Variants in MLXIP observed in about 807,000 individuals in gnomAD.
MLXIP encodes MLX-interacting protein.
A neutral mutation model predicts 87.2 loss-of-function variants in MLXIP; 30 were observed. That is an observed-to-expected ratio of 0.34 (90% CI 0.26 to 0.47). The LOEUF (loss-of-function observed/expected upper bound fraction) is 0.47, where lower values mean the gene tolerates loss of function less well. Among genes scored for constraint, MLXIP ranks in the 20% least tolerant of loss-of-function variants. MLXIP has a pLI of 1.00. For missense variants in MLXIP, 1,002 were observed against 1,240.1 expected (o/e 0.81, Z 2.88); for synonymous variants, 530 against 514.0 (o/e 1.03, Z -0.42).
At chr12:122,114,755 T>G (rs1413159002) in intron 1 of MLXIP, among the ~76,000 whole-genome samples, 9 of 93,298 alleles carry the variant, frequency 9.6e-5, no homozygotes, top group East Asian at 3.0e-4. Context: ...TTTTTTTTTT[T>G]GGTGGGGGGG....
intron 1 of MLXIP, among the ~76,000 whole-genome samples, chr12:122,091,338 C>T (rs558750136): frequency 1.3e-5 from 2 of 152,108 alleles, no homozygotes; most frequent in South Asian, 2.1e-4. Flanking sequence ...CTGAAGATGA[C>T]GTGGGAATTG....
Position 122,138,282 on chromosome 12 carries a change from A to G in MLXIP, c.2243A>G (p.Asn748Ser), listed in dbSNP as rs747641044. ...GACATGCTCAACAGCCTCATCTCCA[A>G]CAATTCCAAGCTGGTGAGTTGCCAA... Reference protein sequence around the residue: ...CFDMLNSLISNNSKLTSHAIT... With the variant: ...CFDMLNSLISSNSKLTSHAIT... Residue 748 changes from asparagine (N) to serine (S), a missense_variant, in exon 13 of 17, where the codon AAC becomes AGC. This residue lies in a region of MLXIP where 746 missense variants were observed against 897.0 expected (regional missense o/e 0.83). Transcript: ENST00000319080. The G allele has an allele frequency of 8.1e-6, 13 of 1,613,698 alleles. No homozygotes were observed. Among genetic ancestry groups the G allele is most frequent in the African/African-American group, 2.7e-5 (2 of 74,924 alleles).
chr12:122,103,199 GTATTTATT>G (rs754355713), intron 1 of MLXIP, among the ~76,000 whole-genome samples: 38,713 of 92,472 alleles, frequency 0.42, 5,646 homozygotes, highest in Non-Finnish European at 0.53. Context: ...ATGTATGTAT[GTATTTATT>G]TATTTATTTA....
intron 1 of MLXIP, among the ~76,000 whole-genome samples, chr12:122,113,833 C>T (rs781183153): frequency 7.3e-5 from 11 of 150,796 alleles, no homozygotes; most frequent in African/African-American, 2.2e-4. Context: ...TACAGGCACC[C>T]GCCAGCATGC....
At chr12:122,090,599 T>C (rs1952232639) in intron 1 of MLXIP, among the ~76,000 whole-genome samples, 1 of 152,184 alleles carries the variant, frequency 6.6e-6, no homozygotes, top group Non-Finnish European at 1.5e-5. Context: ...GGTGGGTACT[T>C]GAGTATTCAT....
chr12:122,131,815 A>T (rs998158295), intron 7 of MLXIP, among the ~76,000 whole-genome samples: 1 of 147,170 alleles, frequency 6.8e-6, no homozygotes, highest in Non-Finnish European at 1.5e-5. Flanking sequence ...TGCACCCTCA[A>T]CCTCCCTCCT....
In MLXIP at chr12:122,140,950, G is replaced by T; in HGVS notation, c.2509-4G>T. On this transcript the variant is annotated splice_polypyrimidine_tract_variant and splice_region_variant and intron_variant, in intron 15 of 16. Coordinates refer to ENST00000319080, the MANE Select transcript of MLXIP (RefSeq NM_014938.6). ...CTTGCCTTTTCTTTAACCACACACT[G>T]CAGTTCAGCATCATCATCAAGCCGC... The T allele has an allele frequency of 6.2e-7, 1 of 1,613,982 alleles. No homozygotes were observed. Among genetic ancestry groups the T allele is most frequent in the Non-Finnish European group, 8.5e-7 (1 of 1,179,890 alleles).
Position 122,135,502 on chromosome 12 carries a change from C to G in MLXIP, c.1868C>G (p.Pro623Arg). ...ATGTCACTGCAGGCTCCTGGGGTCC[C>G]GGAGTTCCACAGCAGCATCCTGGTG... ...PAAIARAPGVPEFHSSILVTD... is the reference protein window; with the variant it reads ...PAAIARAPGVREFHSSILVTD... Residue 623 changes from proline (P) to arginine (R), a missense_variant, in exon 11 of 17, where the codon CCG (proline) becomes CGG (arginine). Transcript: ENST00000319080. The surrounding 1 kb of genome is among the most constrained non-coding windows in gnomAD (Gnocchi z 5.3). 6.2e-7 allele frequency: 1 copy of G among 1,609,276 alleles called. No individual in the cohort carries two copies.
At chr12:122,096,758 C>T (rs1952358544) in intron 1 of MLXIP, among the ~76,000 whole-genome samples, 1 of 152,196 alleles carries the variant, frequency 6.6e-6, no homozygotes, top group African/African-American at 2.4e-5. Context: ...CTGACAGACC[C>T]CCGAGGCTGT....
chr12:122,078,940 C>T lies in MLXIP; in HGVS notation c.87C>T (p.Asp29=), dbSNP rs1454699805. 2.7e-6 allele frequency: 3 copies of T among 1,120,876 alleles called. No individual in the cohort carries two copies. The highest frequency in any genetic ancestry group is 1.1e-6 in the Non-Finnish European group (1 of 911,200). 69.4% of individuals were successfully genotyped at this position (1,120,876 alleles called of 1,614,324 possible). A position where few individuals can be genotyped will look rare whatever the true frequency, so the allele number is the denominator to read the frequency against. Reference sequence around the variant, plus strand: ...TGCTCAAGCCCCAGGTGTCCGAGGACGACGACGACTCGGACACGGATGAGC... The same window carrying T: ...TGCTCAAGCCCCAGGTGTCCGAGGATGACGACGACTCGGACACGGATGAGC... ...QVLLKPQVSE[D]DDDSDTDEPS... is the part of the protein sequence containing the mutation. Residue 29 remains aspartate, a synonymous_variant, in exon 1 of 17, where the codon GAC becomes GAT. Coordinates refer to ENST00000319080, the MANE Select transcript of MLXIP (RefSeq NM_014938.6).
Position 122,118,949 on chromosome 12 carries a change from G to A in MLXIP, c.414-8307G>A, listed in dbSNP as rs190312596. 5.0e-3 allele frequency among the ~76,000 whole-genome samples: 758 copies of A among 152,044 alleles called. 19 individuals carry two copies. The highest frequency in any genetic ancestry group is 0.045 in the Admixed American group (680 of 15,258). On this transcript the variant is annotated intron_variant, in intron 1 of 16. Transcript: ENST00000319080. ...TGGGAGGTCGAAGCGGGCAGATCACGAGGTCAGGAGATCAAGACCATCCTG... is the reference window on the plus strand; with the variant it reads ...TGGGAGGTCGAAGCGGGCAGATCACAAGGTCAGGAGATCAAGACCATCCTG...
chr12:122,116,328 T>C (rs974150034), intron 1 of MLXIP, among the ~76,000 whole-genome samples: 1 of 152,146 alleles, frequency 6.6e-6, no homozygotes. Flanking sequence ...TTAGGGTACA[T>C]GTGCACAACG....
Position 122,133,227 on chromosome 12 carries a change from C to G in MLXIP, c.1093-121C>G, listed in dbSNP as rs1292140745. On this transcript the variant is annotated intron_variant, in intron 8 of 16. Transcript: ENST00000319080. This position sits in a 1 kb window ranked among gnomAD's most constrained non-coding sequence, Gnocchi z 4.9. ...AGATCAGCAGCCATGGACGTGGAGA[C>G]GTGGCCTTTGTCCCTCTGTCCCAGC... 2 of 1,115,210 alleles carry G rather than the reference C, an allele frequency of 1.8e-6. No homozygotes were observed. The highest frequency in any genetic ancestry group is 2.5e-5 in the Admixed American group (1 of 39,682). The allele number at this position is 1,115,210 out of a possible 1,614,324, so 69.1% of individuals were successfully genotyped here.
chr12:122,099,835 C>G (rs996428302), intron 1 of MLXIP, among the ~76,000 whole-genome samples: 2 of 152,104 alleles, frequency 1.3e-5, no homozygotes, highest in Non-Finnish European at 2.9e-5. Flanking sequence ...AGGAGAACTC[C>G]CTTGGTGGGT....
chr12:122,085,746 G>T (rs1952159363), intron 1 of MLXIP, among the ~76,000 whole-genome samples: 1 of 152,174 alleles, frequency 6.6e-6, no homozygotes, highest in Admixed American at 6.6e-5. Flanking sequence ...CATTGGCGTG[G>T]AGTGGGACAA....
At chr12:122,097,946 T>C (rs140025566) in intron 1 of MLXIP, among the ~76,000 whole-genome samples, 76,900 of 152,124 alleles carry the variant, frequency 0.51, 19,962 homozygotes, top group Middle Eastern at 0.64. Context: ...CCTTGACCTT[T>C]CACAGTACTG....
At chr12:122,079,371 C>G (rs1253998741) in intron 1 of MLXIP, 105 bp downstream of exon 1, 5 of 984,560 alleles carry the variant, frequency 5.1e-6, no homozygotes, top group Non-Finnish European at 6.1e-6. Context: ...TCATGCATTC[C>G]CTTTGGGTCT....
In MLXIP at chr12:122,135,070, G is replaced by A; in HGVS notation, c.1733-154G>A. On this transcript the variant is annotated intron_variant, in intron 9 of 16. Coordinates refer to ENST00000319080, the MANE Select transcript of MLXIP (RefSeq NM_014938.6). The surrounding 1 kb of genome is among the most constrained non-coding windows in gnomAD (Gnocchi z 5.3). Reference sequence around the variant, plus strand: ...GTCTATAACATGTCTCCTTCAAGAAGTCACACAAATGGTTTTAGGTGCCTT... The same window carrying A: ...GTCTATAACATGTCTCCTTCAAGAAATCACACAAATGGTTTTAGGTGCCTT... 5 of 846,922 alleles carry A rather than the reference G, an allele frequency of 5.9e-6. No homozygotes were observed. The highest frequency in any genetic ancestry group is 9.6e-6 in the Non-Finnish European group (5 of 522,260). 52.5% of individuals were successfully genotyped at this position (846,922 alleles called of 1,614,324 possible).
intron 2 of MLXIP, 116 bp from the exon 3 acceptor site, chr12:122,127,767 A>G (rs1952903819): frequency 2.6e-6 from 2 of 774,528 alleles, no homozygotes; most frequent in Admixed American, 4.2e-5. Context: ...CTAGGGAAGG[A>G]GAAGGAAAGG....
Sources: allele counts gnomAD v4.1 joint callset (sites outside exome capture counted in the v4.1 genomes callset), GRCh38; gene constraint gnomAD v4.1.1; regional missense constraint gnomAD v4.1.1; non-coding constraint Gnocchi (gnomAD v3.1); transcripts MANE v1.5; gene names NCBI Gene and HGNC (gene_info 2026-07-23, HGNC 2026-07-21).